The following PTPRD variants were observed in gnomAD, a reference collection of about 807,000 sequenced individuals.
PTPRD encodes the protein receptor-type tyrosine-protein phosphatase delta.
In PTPRD, 34 loss-of-function variants were observed where a neutral mutation model predicts 214.5. That is an observed-to-expected ratio of 0.16 (90% CI 0.12 to 0.21). The LOEUF (loss-of-function observed/expected upper bound fraction) is 0.21. PTPRD is among the 10% of genes least tolerant of loss of function. PTPRD has a pLI of 1.00. For missense variants in PTPRD, 2,545 were observed against 2,398.7 expected, an observed-to-expected ratio of 1.06 and a Z score of -1.27; for synonymous variants, 1,128 against 845.7, an observed-to-expected ratio of 1.33 and a Z score of -5.79.
chr9:8,958,195 A>C (rs2154314928), intron 11 of PTPRD, among the ~76,000 whole-genome samples: 1 of 152,002 alleles, frequency 6.6e-6, no homozygotes, highest in East Asian at 1.9e-4. Flanking sequence ...AAATGGAAGA[A>C]GTTATGTATC....
intron 7 of PTPRD, among the ~76,000 whole-genome samples, chr9:9,595,319 AT>A (rs2093219918): frequency 2.7e-5 from 2 of 75,150 alleles, no homozygotes; most frequent in South Asian, 3.0e-4. Flanking sequence ...TATTATATAT[AT>A]TTTATATATA....
intron 21 of PTPRD, among the ~76,000 whole-genome samples, chr9:8,510,728 C>T (rs907134111): frequency 2.6e-5 from 4 of 152,028 alleles, no homozygotes; most frequent in Non-Finnish European, 2.9e-5. Flanking sequence ...TGAGGGTGTA[C>T]CTAACGATAT....
chr9:8,705,378 C>T (rs887912691), intron 12 of PTPRD, among the ~76,000 whole-genome samples: 19 of 152,214 alleles, frequency 1.2e-4, no homozygotes, highest in Admixed American at 1.1e-3. Context: ...TGCTACCACG[C>T]CCAGCTAATT....
At chr9:9,728,800 T>C (rs1198847194) in intron 7 of PTPRD, among the ~76,000 whole-genome samples, 1 of 152,194 alleles carries the variant, frequency 6.6e-6, no homozygotes, top group Non-Finnish European at 1.5e-5. Context: ...TATTAGAAAG[T>C]AGACCATTTT....
chr9:8,397,396 A>G (rs927862405), intron 36 of PTPRD, among the ~76,000 whole-genome samples: 9 of 152,214 alleles, frequency 5.9e-5, no homozygotes, highest in African/African-American at 1.9e-4. Flanking sequence ...GAACATTTAT[A>G]TTCACTATAA....
intron 3 of PTPRD, among the ~76,000 whole-genome samples, chr9:10,236,245 T>C (rs1307569261): frequency 6.6e-6 from 1 of 151,958 alleles, no homozygotes; most frequent in Non-Finnish European, 1.5e-5. Context: ...TCAAGTTTGA[T>C]ACAGATTTAA....
chr9:9,068,620 C>G lies in PTPRD; in HGVS notation c.-142-49885G>C, dbSNP rs756027027. Among the ~76,000 whole-genome samples, 3 of 151,092 alleles carry G rather than the reference C, an allele frequency of 2.0e-5. No individual in the cohort carries two copies. In the East Asian group the frequency reaches 6.0e-4, roughly 30 times the overall value. The stretch of plus-strand genomic sequence containing the variant: ...CAACTGATGTTTTACAAAAAATTTT[C>G]TTTTTTCTTTTGAGATGGAGTCTCA... On this transcript the variant is annotated intron_variant, in intron 10 of 45. Transcript: ENST00000381196.
chr9:8,501,018 T>G lies in PTPRD; in HGVS notation c.1864A>C (p.Ser622Arg). 6.2e-7 allele frequency: 1 copy of G among 1,614,058 alleles called. No individual in the cohort carries two copies. The highest frequency in any genetic ancestry group is 8.5e-7 in the Non-Finnish European group (1 of 1,179,974). ...CAACTTACCAAAATACTAGTGGAAC[T>G]TGGGCTGGTGCAACTAATGTCTTGA... ...PPQDISCTSP[S>R]STSILVSWQP... is the part of the protein sequence containing the mutation. Residue 622 changes from serine to arginine, a missense_variant, in exon 24 of 46, where the codon AGT becomes CGT. Physicochemically the swap from Ser to Arg is moderately radical, Grantham distance 110. Transcript: ENST00000381196.
intron 33 of PTPRD, among the ~76,000 whole-genome samples, chr9:8,450,237 C>A (rs1392971415): frequency 3.3e-5 from 5 of 152,180 alleles, no homozygotes; most frequent in African/African-American, 1.2e-4. Flanking sequence ...CATAGAGAAA[C>A]TACCTGACCT....
chr9:8,869,546 G>A (rs1403202794), intron 11 of PTPRD, among the ~76,000 whole-genome samples: 1 of 152,042 alleles, frequency 6.6e-6, no homozygotes, highest in Non-Finnish European at 1.5e-5. Flanking sequence ...CAGCTCCCAG[G>A]AGTCAGAATT....
chr9:10,445,975 T>C (rs1300633419), intron 2 of PTPRD, among the ~76,000 whole-genome samples: 2 of 152,036 alleles, frequency 1.3e-5, no homozygotes, highest in Non-Finnish European at 2.9e-5. Context: ...AATGTGTGTA[T>C]TCAGAAGTGA....
chr9:9,818,319 G>A (rs985341125), intron 5 of PTPRD, among the ~76,000 whole-genome samples: 3 of 152,064 alleles, frequency 2.0e-5, no homozygotes, highest in Non-Finnish European at 4.4e-5. Flanking sequence ...TTAAAGCCTG[G>A]TGAGGGAGGT....
chr9:9,368,166 T>C (rs2058406818), intron 9 of PTPRD, among the ~76,000 whole-genome samples: 1 of 151,804 alleles, frequency 6.6e-6, no homozygotes, highest in South Asian at 2.1e-4. Context: ...GGTAAAACGT[T>C]AGACCTGCAT....
At chr9:8,923,990 G>C (rs1004575960) in intron 11 of PTPRD, among the ~76,000 whole-genome samples, 2 of 152,082 alleles carry the variant, frequency 1.3e-5, no homozygotes, top group African/African-American at 4.8e-5. Context: ...TAAAAAGATT[G>C]AACTGCTTTG....
intron 11 of PTPRD, among the ~76,000 whole-genome samples, chr9:8,783,318 G>C (rs1345794844): frequency 3.3e-5 from 5 of 152,146 alleles, no homozygotes; most frequent in Non-Finnish European, 7.4e-5. Context: ...CAAAGTTAAA[G>C]ACTTTTCCTA....
intron 11 of PTPRD, among the ~76,000 whole-genome samples, chr9:8,741,188 C>T (rs7862892): frequency 6.6e-6 from 1 of 151,768 alleles, no homozygotes; most frequent in Non-Finnish European, 1.5e-5. Context: ...TGAGGTATGC[C>T]GTGAGAAATG....
intron 11 of PTPRD, among the ~76,000 whole-genome samples, chr9:8,777,460 C>T (rs2095530789): frequency 6.6e-6 from 1 of 152,172 alleles, no homozygotes; most frequent in Non-Finnish European, 1.5e-5. Context: ...TGCCATACCT[C>T]CTTCCTCAAA....
intron 4 of PTPRD, among the ~76,000 whole-genome samples, chr9:9,975,120 C>T (rs181205577): frequency 6.8e-5 from 10 of 148,052 alleles, no homozygotes; most frequent in African/African-American, 1.9e-4. Flanking sequence ...TGTAAATGTG[C>T]GCTCCCATTT....
At chr9:10,145,265 A>T (rs527598741) in intron 3 of PTPRD, among the ~76,000 whole-genome samples, 1 of 151,288 alleles carries the variant, frequency 6.6e-6, no homozygotes, top group African/African-American at 2.4e-5. Context: ...GAATGCTTGC[A>T]TGTGTTTGTT....
Sources: allele counts gnomAD v4.1 joint callset (sites outside exome capture counted in the v4.1 genomes callset), GRCh38; gene constraint gnomAD v4.1.1; transcripts MANE v1.5; gene names NCBI Gene and HGNC (gene_info 2026-07-23, HGNC 2026-07-21).